Variants in CDH12 observed in about 807,000 individuals in gnomAD.
The protein encoded by CDH12 is cadherin-12.
CDH12 carries 41 observed loss-of-function variants against 74.1 expected under a neutral mutation model. The observed-to-expected ratio is 0.55, with a 90% confidence interval of 0.43 to 0.72. CDH12 has a LOEUF of 0.72. Among genes scored for constraint, CDH12 ranks in the 30% least tolerant of loss-of-function variants. CDH12 has a pLI of 0.00. For missense variants in CDH12, 945 were observed against 977.2 expected (o/e 0.97, Z 0.44); for synonymous variants, 399 against 355.0 (o/e 1.12, Z -1.39).
chr5:22,547,447 A>G (rs1261783735), intron 1 of CDH12, among the ~76,000 whole-genome samples: 1 of 152,202 alleles, frequency 6.6e-6, no homozygotes. Flanking sequence ...TGAAAAATGT[A>G]TTTGTTTATA....
chr5:22,756,952 C>T (rs1374042665), intron 1 of CDH12, among the ~76,000 whole-genome samples: 1 of 124,046 alleles, frequency 8.1e-6, no homozygotes, highest in Non-Finnish European at 1.7e-5. Flanking sequence ...GAGAAAGACT[C>T]CGTCTCAAAA....
chr5:21,795,619 A>G (rs1447915461), intron 10 of CDH12, among the ~76,000 whole-genome samples: 2 of 151,970 alleles, frequency 1.3e-5, no homozygotes, highest in Non-Finnish European at 2.9e-5. Flanking sequence ...CTCTAGAAAC[A>G]TTTATACCAA....
In CDH12 at chr5:22,658,525, A is replaced by G. The variant is rs138568556; in HGVS notation, c.-522-153161T>C. ...GGGAGCTTGATAAGAAATCACCTCT[A>G]TTAGAAGAAGGGCTTTTATTCTGGA... On this transcript the variant is annotated intron_variant, in intron 1 of 14. Coordinates refer to ENST00000382254, the MANE Select transcript of CDH12 (RefSeq NM_004061.5). Among the ~76,000 whole-genome samples, 459 of 152,242 alleles carry G rather than the reference A, an allele frequency of 3.0e-3. 4 individuals are homozygous for G. Among genetic ancestry groups the G allele is most frequent in the African/African-American group, 0.01 (429 of 41,570 alleles).
At chr5:22,736,570 T>C (rs1203157577) in intron 1 of CDH12, among the ~76,000 whole-genome samples, 1 of 151,790 alleles carries the variant, frequency 6.6e-6, no homozygotes, top group African/African-American at 2.4e-5. Context: ...TTTTTTTTAC[T>C]TGAAAATTTA....
intron 1 of CDH12, among the ~76,000 whole-genome samples, chr5:22,803,533 C>T (rs1748638500): frequency 6.6e-6 from 1 of 152,172 alleles, no homozygotes; most frequent in Middle Eastern, 3.2e-3. Context: ...TGGTGCTTAA[C>T]TGTTGGGAGC....
At chr5:22,021,980 C>A (rs940414415) in intron 5 of CDH12, among the ~76,000 whole-genome samples, 1 of 152,152 alleles carries the variant, frequency 6.6e-6, no homozygotes, top group African/African-American at 2.4e-5. Flanking sequence ...GGATTACAGT[C>A]ACATGACACT....
intron 5 of CDH12, among the ~76,000 whole-genome samples, chr5:22,018,119 T>C (rs1440239175): frequency 1.3e-5 from 2 of 152,150 alleles, no homozygotes; most frequent in Non-Finnish European, 1.5e-5. Context: ...GAAACAATAA[T>C]GTCATTTCAA....
intron 1 of CDH12, among the ~76,000 whole-genome samples, chr5:22,651,934 G>A (rs183856): frequency 1.3e-5 from 2 of 151,668 alleles, no homozygotes; most frequent in African/African-American, 2.4e-5. Flanking sequence ...AACCCCCCTC[G>A]GACACTGAAG....
chr5:22,827,642 C>T (rs1261834346), intron 1 of CDH12, among the ~76,000 whole-genome samples: 2 of 152,168 alleles, frequency 1.3e-5, no homozygotes, highest in Admixed American at 6.5e-5. Flanking sequence ...TCTTGCCTTT[C>T]TTAACTGTAC....
intron 6 of CDH12, among the ~76,000 whole-genome samples, chr5:21,906,276 T>C (rs1447528704): frequency 6.6e-6 from 1 of 152,220 alleles, no homozygotes; most frequent in Non-Finnish European, 1.5e-5. Context: ...TTTAGGGTTC[T>C]GGACATATGT....
At chr5:22,827,647 C>G (rs1324757195) in intron 1 of CDH12, among the ~76,000 whole-genome samples, 1 of 152,164 alleles carries the variant, frequency 6.6e-6, no homozygotes, top group Non-Finnish European at 1.5e-5. Flanking sequence ...CCTTTCTTAA[C>G]TGTACGTGTG....
chr5:21,890,355 A>G (rs1752841115), intron 6 of CDH12, among the ~76,000 whole-genome samples: 1 of 152,138 alleles, frequency 6.6e-6, no homozygotes. Flanking sequence ...TCTAGAGTCA[A>G]TTATTTGGTA....
At chr5:22,436,985 C>T (rs1744423871) in intron 2 of CDH12, among the ~76,000 whole-genome samples, 1 of 151,940 alleles carries the variant, frequency 6.6e-6, no homozygotes, top group Admixed American at 6.6e-5. Flanking sequence ...ATGGAAAAGT[C>T]AGTCTTTAAT....
At chr5:22,319,798 G>A (rs1305959748) in intron 3 of CDH12, among the ~76,000 whole-genome samples, 1 of 151,862 alleles carries the variant, frequency 6.6e-6, no homozygotes, top group Non-Finnish European at 1.5e-5. Flanking sequence ...AGTGAGTGAT[G>A]GAAGTGGGAA....
At chr5:22,092,802 A>C (rs575079057) in intron 4 of CDH12, among the ~76,000 whole-genome samples, 55 of 152,212 alleles carry the variant, frequency 3.6e-4, no homozygotes, top group Non-Finnish European at 7.1e-4. Context: ...TGTATACATA[A>C]CCTCCCAGCA....
chr5:22,437,646 A>C (rs1580649498), intron 2 of CDH12, among the ~76,000 whole-genome samples: 1 of 151,990 alleles, frequency 6.6e-6, no homozygotes, highest in Admixed American at 6.6e-5. Context: ...ATATAAACAT[A>C]ATGTGGGGCT....
intron 1 of CDH12, among the ~76,000 whole-genome samples, chr5:22,613,820 T>C (rs1737543025): frequency 6.6e-6 from 1 of 152,116 alleles, no homozygotes; most frequent in South Asian, 2.1e-4. Context: ...CTGGGAATCA[T>C]GTGTATCACG....
intron 1 of CDH12, among the ~76,000 whole-genome samples, chr5:22,678,211 T>A (rs1741315117): frequency 6.6e-6 from 1 of 152,034 alleles, no homozygotes; most frequent in African/African-American, 2.4e-5. Flanking sequence ...TGTAAAAAAA[T>A]ATTAAATTGT....
intron 1 of CDH12, among the ~76,000 whole-genome samples, chr5:22,607,379 A>C (rs1442404948): frequency 1.3e-5 from 2 of 152,178 alleles, no homozygotes; most frequent in African/African-American, 4.8e-5. Flanking sequence ...AAAGAGTTTT[A>C]ATTGGACTTA....
Sources: allele counts gnomAD v4.1 joint callset (sites outside exome capture counted in the v4.1 genomes callset), GRCh38; gene constraint gnomAD v4.1.1; transcripts MANE v1.5; gene names NCBI Gene and HGNC (gene_info 2026-07-23, HGNC 2026-07-21).